POSTN: variants seen among roughly 807,000 people sequenced by gnomAD.
POSTN encodes periostin.
POSTN carries 71 observed loss-of-function variants against 104.5 expected under a neutral mutation model. That is an observed-to-expected ratio of 0.68 (90% CI 0.56 to 0.83). The LOEUF (loss-of-function observed/expected upper bound fraction) is 0.83, where lower values mean the gene tolerates loss of function less well. Among genes scored for constraint, POSTN ranks in the 40% least tolerant of loss-of-function variants. The pLI, the probability that POSTN is intolerant of heterozygous loss-of-function variation, is 0.00. For missense variants in POSTN, 949 were observed against 1,006.8 expected, an observed-to-expected ratio of 0.94 and a Z score of 0.78; for synonymous variants, 355 against 340.7, an observed-to-expected ratio of 1.04 and a Z score of -0.46.
chr13:37,574,423 GCAATTACATGAGC>G, intron 17 of POSTN, 136 bp downstream of exon 17: 1 of 1,084,490 alleles, frequency 9.2e-7, no homozygotes, highest in Non-Finnish European at 1.2e-6. Context: ...TCCGCATTCT[GCAATTACATGAGC>G]ATGCCATTGG....
intron 22 of POSTN, among the ~76,000 whole-genome samples, chr13:37,563,897 A>G (rs1001350064): frequency 1.3e-5 from 2 of 151,974 alleles, no homozygotes; most frequent in Non-Finnish European, 2.9e-5. Context: ...AAATGCACAT[A>G]GTGTAATTAT....
chr13:37,592,080 T>A lies in POSTN; in HGVS notation c.283+20A>T. ...CTTTGCATATAATTCCTTATTTAAT[T>A]CAAAAAATTGAGATTTTACCTGCTG... is the stretch of plus-strand genomic sequence containing the variant. On this transcript the variant is annotated intron_variant, in intron 3 of 22. Coordinates refer to ENST00000379747, the MANE Select transcript of POSTN (RefSeq NM_006475.3). 1 of 1,565,622 alleles carries A rather than the reference T, an allele frequency of 6.4e-7. No homozygotes were observed. The highest frequency in any genetic ancestry group is 8.8e-7 in the Non-Finnish European group (1 of 1,137,232).
intron 2 of POSTN, among the ~76,000 whole-genome samples, chr13:37,596,608 G>T (rs1362854838): frequency 6.6e-6 from 1 of 152,168 alleles, no homozygotes; most frequent in African/African-American, 2.4e-5. Context: ...TCACCTTGTG[G>T]ACCTCTGGGG....
Position 37,580,443 on chromosome 13 carries a change from T to C in POSTN, c.1529+118A>G. 5 of 1,140,762 alleles carry C rather than the reference T, an allele frequency of 4.4e-6. No individual in the cohort carries two copies. In the East Asian group the frequency reaches 9.5e-5, roughly 22 times the overall value. 70.7% of individuals were successfully genotyped at this position (1,140,762 alleles called of 1,614,324 possible). On this transcript the variant is annotated intron_variant, in intron 11 of 22. Coordinates refer to ENST00000379747, the MANE Select transcript of POSTN (RefSeq NM_006475.3). ...TTTGAAAACACTTGTATGAACATTTTATTCTAAATTCCATTTTCAACCACA... is the reference window on the plus strand; with the variant it reads ...TTTGAAAACACTTGTATGAACATTTCATTCTAAATTCCATTTTCAACCACA...
intron 12 of POSTN, among the ~76,000 whole-genome samples, 199 bp downstream of exon 12, chr13:37,579,662 A>C (rs1950520891): frequency 6.6e-6 from 1 of 152,196 alleles, no homozygotes; most frequent in Non-Finnish European, 1.5e-5. Flanking sequence ...CTAGCCCAAC[A>C]ACATAACAGT....
In POSTN at chr13:37,577,770, A is replaced by T. The variant is rs1371573835; in HGVS notation, c.1991T>A (p.Ile664Asn). 1.2e-6 allele frequency: 2 copies of T among 1,613,558 alleles called. No homozygotes were observed. Among genetic ancestry groups the T allele is most frequent in the Non-Finnish European group, 1.7e-6 (2 of 1,179,772 alleles). The change falls in exon 16 of 23, where the codon ATC (isoleucine) becomes AAC (asparagine). Residue 664 changes from isoleucine (I) to asparagine (N), a missense_variant. Ile to Asn is a moderately radical substitution (Grantham distance 149, BLOSUM62 -3). Coordinates refer to ENST00000379747, the MANE Select transcript of POSTN (RefSeq NM_006475.3). ...KFVRGSTFKEIPVTVYTTKII... is the reference protein window; with the variant it reads ...KFVRGSTFKENPVTVYTTKII... The stretch of plus-strand genomic sequence containing the variant: ...ATACTTACTATAGACAGTCACGGGG[A>T]TTTCTTTGAAGGTGCTACCACGAAC...
chr13:37,564,508 A>G lies in POSTN; in HGVS notation c.2473+11T>C. The G allele has an allele frequency of 6.5e-7, 1 of 1,548,024 alleles. No homozygotes were observed. The highest frequency in any genetic ancestry group is 8.9e-7 in the Non-Finnish European group (1 of 1,122,270). Reference sequence around the variant, plus strand: ...GCCATATACACACATTACTATAGCCAATACACTTACCTTGAACTTTTTTGT... The same window carrying G: ...GCCATATACACACATTACTATAGCCGATACACTTACCTTGAACTTTTTTGT... On this transcript the variant is annotated intron_variant, in intron 22 of 22. Coordinates refer to ENST00000379747, the MANE Select transcript of POSTN (RefSeq NM_006475.3).
chr13:37,596,269 A>G (rs1180293672), intron 2 of POSTN, among the ~76,000 whole-genome samples: 1 of 152,158 alleles, frequency 6.6e-6, no homozygotes, highest in East Asian at 1.9e-4. Flanking sequence ...CTTCAAATTA[A>G]TAGGAAGCAG....
intron 5 of POSTN, 120 bp from the exon 6 acceptor site, chr13:37,587,048 T>C (rs978153669): frequency 2.4e-5 from 20 of 818,206 alleles, no homozygotes; most frequent in Non-Finnish European, 3.8e-5. Flanking sequence ...GGAAACTACA[T>C]TGTAAATGTA....
intron 18 of POSTN, chr13:37,571,162 A>G (rs1950252327): frequency 2.2e-6 from 1 of 455,984 alleles, no homozygotes; most frequent in Non-Finnish European, 3.9e-6. Flanking sequence ...CTTAATAGAT[A>G]AATTAATTCC....
At chr13:37,577,985 G>A (rs1039639312) in intron 15 of POSTN, among the ~76,000 whole-genome samples, 187 bp from the exon 16 acceptor site, 2 of 147,260 alleles carry the variant, frequency 1.4e-5, no homozygotes, top group Non-Finnish European at 3.1e-5. Context: ...AAAATCATTG[G>A]ATTCATTACT....
chr13:37,569,621 T>G lies in POSTN; in HGVS notation c.2347+123A>C, dbSNP rs925479438. On this transcript the variant is annotated intron_variant, in intron 20 of 22. Coordinates refer to ENST00000379747, the MANE Select transcript of POSTN (RefSeq NM_006475.3). The stretch of plus-strand genomic sequence containing the variant: ...TTAATTCCTTATTCTTGTGCTTTTT[T>G]CTTGTTGGTATGGAAATGAACAATA... The G allele has an allele frequency of 7.7e-6, 7 of 909,736 alleles. No homozygotes were observed. The South Asian group carries it at 8.1e-5, about 11-fold the overall frequency. 56.4% of individuals were successfully genotyped at this position (909,736 alleles called of 1,614,324 possible).
intron 17 of POSTN, 136 bp from the exon 18 acceptor site, chr13:37,571,594 T>C (rs2138189381): frequency 1.7e-6 from 1 of 577,604 alleles, no homozygotes; most frequent in Admixed American, 3.6e-5. Flanking sequence ...GAAATCACTT[T>C]TAAATATTTC....
chr13:37,564,188 A>ACAAAACAT (rs1566536513), intron 22 of POSTN, among the ~76,000 whole-genome samples: 1,254 of 62,908 alleles, frequency 0.02, 8 homozygotes, highest in African/African-American at 0.034. Context: ...TTACATATAT[A>ACAAAACAT]TATATATATA....
chr13:37,571,758 T>C (rs995132458), intron 17 of POSTN, among the ~76,000 whole-genome samples: 1 of 151,734 alleles, frequency 6.6e-6, no homozygotes, highest in African/African-American at 2.4e-5. Context: ...CAAAATATTA[T>C]ATGTGGCTAC....
chr13:37,585,264 T>C (rs1950710876), intron 7 of POSTN, among the ~76,000 whole-genome samples: 1 of 152,136 alleles, frequency 6.6e-6, no homozygotes. Context: ...GAACTTTGAC[T>C]GGCACAAGGG....
At position 37,569,736 on chromosome 13, in the gene POSTN, A is replaced by C; in HGVS notation, c.2347+8T>G. The C allele has an allele frequency of 1.3e-6, 2 of 1,568,506 alleles. No individual in the cohort carries two copies. The highest frequency in any genetic ancestry group is 1.8e-6 in the Non-Finnish European group (2 of 1,139,992). On this transcript the variant is annotated splice_region_variant and intron_variant, in intron 20 of 22. Coordinates refer to ENST00000379747, the MANE Select transcript of POSTN (RefSeq NM_006475.3). ...AAGTCACATTCTTATTTTCCTAGAA[A>C]TGCTGACCTTCTTGTAACAATTTCT...
rs1236626487 is a variant in POSTN at position 37,563,262 on chromosome 13, C to T, written c.*71G>A. ...GTTTCAGTTCCTGAAGTCAACTTGG[C>T]TCTCACAATTTTCTAAGGTCAGGTT... On this transcript the variant is annotated 3_prime_UTR_variant, in exon 23 of 23. Coordinates refer to ENST00000379747, the MANE Select transcript of POSTN (RefSeq NM_006475.3). 1.1e-5 allele frequency: 11 copies of T among 1,016,940 alleles called. 1 individual carries two copies. The highest frequency in any genetic ancestry group is 1.1e-4 in the Admixed American group (5 of 47,014). 63.0% of individuals were successfully genotyped at this position (1,016,940 alleles called of 1,614,324 possible).
At chr13:37,566,633 C>T (rs544408580) in intron 21 of POSTN, among the ~76,000 whole-genome samples, 2 of 152,300 alleles carry the variant, frequency 1.3e-5, no homozygotes, top group South Asian at 4.1e-4. Flanking sequence ...ATCTACTATT[C>T]TCTATAGAGG....
Sources: allele counts gnomAD v4.1 joint callset (sites outside exome capture counted in the v4.1 genomes callset), GRCh38; gene constraint gnomAD v4.1.1; transcripts MANE v1.5; gene names NCBI Gene and HGNC (gene_info 2026-07-23, HGNC 2026-07-21).